Variants in MDN1 observed in about 807,000 individuals in gnomAD.
MDN1 encodes midasin AAA ATPase 1, also known as midasin.
In MDN1, 266 loss-of-function variants were observed where a neutral mutation model predicts 669.2. The ratio of observed to expected loss-of-function variants is 0.40; its 90% CI spans 0.36 to 0.44. The LOEUF is 0.44. Among genes scored for constraint, MDN1 ranks in the 20% least tolerant of loss-of-function variants. The pLI is 1.00. For missense variants in MDN1, 5,940 were observed against 6,754.0 expected (o/e 0.88, Z 4.22); for synonymous variants, 2,385 against 2,457.1 (o/e 0.97, Z 0.87).
intron 51 of MDN1, among the ~76,000 whole-genome samples, chr6:89,708,267 C>T (rs770120075): frequency 2.0e-5 from 3 of 152,176 alleles, no homozygotes; most frequent in Admixed American, 6.5e-5. Context: ...TATGCCACTG[C>T]ACTCCAGCCT....
chr6:89,750,585 T>C, intron 23 of MDN1, 53 bp from the exon 24 acceptor site: 3 of 1,514,906 alleles, frequency 2.0e-6, no homozygotes, highest in Non-Finnish European at 2.7e-6. Context: ...ATTACAAAGC[T>C]GAGAAACCAG....
In MDN1 at chr6:89,687,072, T is replaced by C. The variant is rs1812065450; in HGVS notation, c.11451-49A>G. On this transcript the variant is annotated intron_variant, in intron 68 of 101. Transcript: ENST00000369393. ...GGCATTTAGGAAAACCTATTTGAAA[T>C]ATCTGAAACCAAAGATGCAGAAGCT... 11 of 1,598,692 alleles carry C rather than the reference T, an allele frequency of 6.9e-6. No individual in the cohort carries two copies. In the East Asian group the frequency reaches 2.5e-4, roughly 36 times the overall value.
chr6:89,705,923 TA>T, intron 53 of MDN1, 135 bp downstream of exon 53: 2 of 744,030 alleles, frequency 2.7e-6, no homozygotes, highest in South Asian at 3.1e-5. Flanking sequence ...TAGGTATATT[TA>T]AAACTGTTAA....
chr6:89,687,786 C>A (rs1812117398), intron 67 of MDN1, among the ~76,000 whole-genome samples: 1 of 152,096 alleles, frequency 6.6e-6, no homozygotes, highest in African/African-American at 2.4e-5. Context: ...CTGAGGGGAA[C>A]CGTGTATGTG....
Position 89,642,537 on chromosome 6 carries a change from T to C in MDN1, c.*1468A>G, listed in dbSNP as rs1808230754. Reference sequence around the variant, plus strand: ...TAATTAATTTTTATAAGCCTCCTTATAAGGCTACACCAACTCATCCTTTTC... The same window carrying C: ...TAATTAATTTTTATAAGCCTCCTTACAAGGCTACACCAACTCATCCTTTTC... On this transcript the variant is annotated 3_prime_UTR_variant, in exon 102 of 102. Coordinates refer to ENST00000369393, the MANE Select transcript of MDN1 (RefSeq NM_014611.3). The C allele has an allele frequency of 6.6e-6, 1 of 152,254 alleles. No homozygotes were observed. The highest frequency in any genetic ancestry group is 1.5e-5 in the Non-Finnish European group (1 of 68,048). The allele number at this position is 152,254 out of a possible 1,614,324, so 9.4% of individuals were successfully genotyped here.
At chr6:89,699,896 T>TA (rs200445217) in intron 57 of MDN1, among the ~76,000 whole-genome samples, 167 bp downstream of exon 57, 5,472 of 145,610 alleles carry the variant, frequency 0.038, 128 homozygotes, top group South Asian at 0.13. Flanking sequence ...TCAAAACTAG[T>TA]AAAAAAAAAA....
intron 73 of MDN1, among the ~76,000 whole-genome samples, chr6:89,681,854 G>A (rs976322385): frequency 3.9e-5 from 6 of 151,966 alleles, no homozygotes; most frequent in East Asian, 1.9e-4. Context: ...GGTCTCATAC[G>A]TTGCATAGGC....
At position 89,662,944 on chromosome 6, in the gene MDN1, T is replaced by C. The variant is rs1437990051; in HGVS notation, c.14260A>G (p.Ser4754Gly). ...EQEEDDEKSD[S>G]EGGDLDKHMG... ...TGTTTATCCAGGTCTCCGCCCTCAC[T>C]ATCTGATTTCTCATCATCCTCTTCT... The change falls in exon 86 of 102, where the codon AGT becomes GGT. Residue 4754 changes from serine to glycine, a missense_variant. By Grantham distance (56) the Ser-to-Gly change is moderately conservative (BLOSUM62 0). This residue lies in a region of MDN1 where 2,280 missense variants were observed against 2,576.3 expected (regional missense o/e 0.88). Transcript: ENST00000369393. 4 of 1,614,012 alleles carry C rather than the reference T, an allele frequency of 2.5e-6. No homozygotes were observed. In the South Asian group the frequency reaches 3.3e-5, roughly 13 times the overall value.
Position 89,700,179 on chromosome 6 carries a change from C to G in MDN1, c.8754G>C (p.Leu2918Phe). 6.2e-7 allele frequency: 1 copy of G among 1,614,182 alleles called. No homozygotes were observed. Among genetic ancestry groups the G allele is most frequent in the Non-Finnish European group, 8.5e-7 (1 of 1,180,026 alleles). The stretch of plus-strand genomic sequence containing the variant: ...TCCTGGTGAGGTGGATTACGGAGGT[C>G]AAGTCTGGATGGGACAGGGAGGAAG... ...DEASSLSHPD[L>F]TSVIHLTRSV... is the part of the protein sequence containing the mutation. The change falls in exon 57 of 102, where the codon TTG becomes TTC. Residue 2918 changes from leucine to phenylalanine, a missense_variant. This residue lies in a region of MDN1 where 2,292 missense variants were observed against 2,638.3 expected (regional missense o/e 0.87). Transcript: ENST00000369393.
At chr6:89,703,369 A>AGG (rs113306279) in intron 53 of MDN1, among the ~76,000 whole-genome samples, 4,662 of 135,512 alleles carry the variant, frequency 0.034, 88 homozygotes, top group South Asian at 0.11. Context: ...TGTATGGGGA[A>AGG]GGGGGGGGGG....
At chr6:89,792,840 A>T (rs1046293379) in intron 5 of MDN1, among the ~76,000 whole-genome samples, 1 of 151,902 alleles carries the variant, frequency 6.6e-6, no homozygotes, top group Non-Finnish European at 1.5e-5. Context: ...CAACATAGTG[A>T]AATTCCGTCT....
At chr6:89,657,056 T>C (rs1359261033) in intron 90 of MDN1, among the ~76,000 whole-genome samples, 1 of 152,198 alleles carries the variant, frequency 6.6e-6, no homozygotes, top group Non-Finnish European at 1.5e-5. Context: ...TTTGCAGGAA[T>C]ATTATGTCTC....
At chr6:89,645,774 T>G (rs767294685) in intron 100 of MDN1, among the ~76,000 whole-genome samples, 1 of 152,216 alleles carries the variant, frequency 6.6e-6, no homozygotes, top group African/African-American at 2.4e-5. Flanking sequence ...GTACATGAGT[T>G]GAGGGTGGGC....
chr6:89,767,225 C>G (rs1285290426), intron 15 of MDN1, among the ~76,000 whole-genome samples: 4 of 152,084 alleles, frequency 2.6e-5, no homozygotes, highest in Non-Finnish European at 5.9e-5. Context: ...TGCTGCTTAC[C>G]AGAAGCCCAT....
At chr6:89,728,648 T>C (rs183714756) in intron 36 of MDN1, among the ~76,000 whole-genome samples, 30 of 152,234 alleles carry the variant, frequency 2.0e-4, no homozygotes, top group Non-Finnish European at 3.5e-4. Flanking sequence ...CTGGCCAACA[T>C]GGTGAAACCC....
At chr6:89,815,266 C>T (rs1011518005) in intron 1 of MDN1, 2 of 442,796 alleles carry the variant, frequency 4.5e-6, no homozygotes, top group Admixed American at 2.8e-5. Flanking sequence ...CCCAGCGCAT[C>T]TGATAGTGAC....
chr6:89,688,116 A>G lies in MDN1; in HGVS notation c.11317T>C (p.Phe3773Leu), dbSNP rs144923902. 3.5e-5 allele frequency: 56 copies of G among 1,614,020 alleles called. No homozygotes were observed. Among genetic ancestry groups the G allele is most frequent in the Non-Finnish European group, 4.4e-5 (52 of 1,179,998 alleles). ...AGAAGGATCTCTAAGCCATTCAGGA[A>G]CTTTGAGATGGGACTGGAAAGTGGG... The part of the protein sequence containing the change: ...SFPLSSPISK[F>L]LNGLEILLAK... Residue 3773 changes from phenylalanine (F) to leucine (L), a missense_variant, in exon 67 of 102, where the codon TTC becomes CTC. Physicochemically the swap from Phe to Leu is conservative, Grantham distance 22 (BLOSUM62 0). This residue lies in a region of MDN1 where 2,280 missense variants were observed against 2,576.3 expected (regional missense o/e 0.88). Coordinates refer to ENST00000369393, the MANE Select transcript of MDN1 (RefSeq NM_014611.3).
At chr6:89,789,953 G>A in intron 6 of MDN1, 42 bp from the exon 7 acceptor site, 2 of 1,602,988 alleles carry the variant, frequency 1.2e-6, no homozygotes, top group Non-Finnish European at 8.5e-7. Context: ...AACCATACCT[G>A]TAGTGGCAAT....
At chr6:89,664,815 G>C (rs541820363) in intron 84 of MDN1, among the ~76,000 whole-genome samples, 187 bp from the exon 85 acceptor site, 43 of 152,290 alleles carry the variant, frequency 2.8e-4, no homozygotes, top group African/African-American at 1.0e-3. Context: ...GTTTTAATCA[G>C]AGTATAGAAT....
Sources: allele counts gnomAD v4.1 joint callset (sites outside exome capture counted in the v4.1 genomes callset), GRCh38; gene constraint gnomAD v4.1.1; regional missense constraint gnomAD v4.1.1; transcripts MANE v1.5; gene names NCBI Gene and HGNC (gene_info 2026-07-23, HGNC 2026-07-21).